The following DGKB variants were observed in gnomAD, a reference collection of about 807,000 sequenced individuals.
DGKB encodes diacylglycerol kinase beta.
Under a neutral mutation model 114.3 loss-of-function variants are expected in DGKB, and 67 were observed. The ratio of observed to expected loss-of-function variants is 0.59; its 90% CI spans 0.48 to 0.72. The LOEUF is 0.72. Among genes scored for constraint, DGKB ranks in the 30% least tolerant of loss-of-function variants. The probability of loss-of-function intolerance (pLI) is 0.00; values close to 1 mark genes in which losing one functional copy is unlikely to be tolerated. For missense variants in DGKB, 907 were observed against 975.2 expected, an observed-to-expected ratio of 0.93 and a Z score of 0.93; for synonymous variants, 398 against 323.1, an observed-to-expected ratio of 1.23 and a Z score of -2.49.
At chr7:14,641,410 T>C (rs1308001062) in intron 13 of DGKB, among the ~76,000 whole-genome samples, 1 of 152,142 alleles carries the variant, frequency 6.6e-6, no homozygotes, top group African/African-American at 2.4e-5. Flanking sequence ...TATCTTTAAC[T>C]TGATTTGTAA....
intron 12 of DGKB, 99 bp downstream of exon 12, chr7:14,682,454 G>A: frequency 1.3e-6 from 1 of 782,752 alleles, no homozygotes; most frequent in Non-Finnish European, 2.2e-6. Flanking sequence ...CTTACACTCA[G>A]TTTCAGGAAG....
intron 20 of DGKB, among the ~76,000 whole-genome samples, chr7:14,524,411 AC>A (rs751792178): frequency 6.6e-6 from 1 of 152,180 alleles, no homozygotes; most frequent in Non-Finnish European, 1.5e-5. Context: ...CTATCTTCAA[AC>A]CCTGCTTACA....
intron 21 of DGKB, among the ~76,000 whole-genome samples, chr7:14,425,771 G>A (rs940918829): frequency 6.6e-6 from 1 of 152,100 alleles, no homozygotes; most frequent in Non-Finnish European, 1.5e-5. Context: ...CTTATAATTA[G>A]ACTTGCATTA....
intron 21 of DGKB, among the ~76,000 whole-genome samples, chr7:14,383,160 T>A (rs1819761129): frequency 6.6e-6 from 1 of 152,182 alleles, no homozygotes; most frequent in African/African-American, 2.4e-5. Flanking sequence ...CTCCTGTTTA[T>A]AATGGATTGT....
intron 21 of DGKB, among the ~76,000 whole-genome samples, chr7:14,347,560 A>T: frequency 6.6e-6 from 1 of 152,066 alleles, no homozygotes; most frequent in South Asian, 2.1e-4. Flanking sequence ...ATGCAGAATC[A>T]AAAAAAGTCA....
chr7:14,169,006 T>A (rs773952679), intron 25 of DGKB, among the ~76,000 whole-genome samples: 14 of 152,182 alleles, frequency 9.2e-5, no homozygotes, highest in Non-Finnish European at 2.1e-4. Flanking sequence ...GCAATCTGAC[T>A]AAAAGGGGAA....
chr7:14,326,956 C>T lies in DGKB; in HGVS notation c.2122+11559G>A, dbSNP rs74974752. On this transcript the variant is annotated intron_variant, in intron 23 of 25. Transcript: ENST00000402815. ...TCTATTACAACACATATACACAAGA[C>T]ATATCTGAGTACTCACTAGTAAATA... is the stretch of plus-strand genomic sequence containing the variant. 9.8e-3 allele frequency among the ~76,000 whole-genome samples: 1,494 copies of T among 152,176 alleles called. 26 individuals are homozygous for T. The highest frequency in any genetic ancestry group is 0.033 in the African/African-American group (1,369 of 41,526).
chr7:14,297,733 G>A (rs897134191), intron 23 of DGKB, among the ~76,000 whole-genome samples: 7 of 152,022 alleles, frequency 4.6e-5, no homozygotes, highest in Non-Finnish European at 1.5e-5. Flanking sequence ...AGAAATAAAG[G>A]GTATTCAGAT....
chr7:14,901,605 A>ACACCCCCCCCCCCCCCCCCCCCCCCCCC (rs1783076768), intron 1 of DGKB, among the ~76,000 whole-genome samples: 1 of 123,094 alleles, frequency 8.1e-6, no homozygotes, highest in Non-Finnish European at 1.7e-5. Context: ...AGGGATTTCC[A>ACACCCCCCCCCCCCCCCCCCCCCCCCCC]CCCCCCCCCA....
At chr7:14,572,666 C>T (rs2128706320) in intron 20 of DGKB, among the ~76,000 whole-genome samples, 2 of 152,132 alleles carry the variant, frequency 1.3e-5, no homozygotes, top group African/African-American at 4.8e-5. Context: ...TCAATATGTC[C>T]ACCAATTGGT....
chr7:14,836,627 A>C (rs1010712951), intron 2 of DGKB, among the ~76,000 whole-genome samples: 2 of 152,208 alleles, frequency 1.3e-5, no homozygotes, highest in African/African-American at 2.4e-5. Flanking sequence ...TTTCTATCCT[A>C]TAACAACAGT....
intron 18 of DGKB, among the ~76,000 whole-genome samples, chr7:14,581,871 A>G (rs1358679532): frequency 6.6e-6 from 1 of 152,098 alleles, no homozygotes; most frequent in Non-Finnish European, 1.5e-5. Flanking sequence ...AACTTTTGTA[A>G]TTCTTGAATT....
intron 25 of DGKB, among the ~76,000 whole-genome samples, chr7:14,172,841 C>T (rs995850282): frequency 6.6e-6 from 1 of 152,084 alleles, no homozygotes; most frequent in African/African-American, 2.4e-5. Flanking sequence ...TCCTACCACT[C>T]TATTCCCTCT....
At chr7:14,550,135 T>C (rs960287926) in intron 20 of DGKB, among the ~76,000 whole-genome samples, 1 of 152,152 alleles carries the variant, frequency 6.6e-6, no homozygotes, top group African/African-American at 2.4e-5. Flanking sequence ...TAAAAACAAA[T>C]TATTCATTAT....
chr7:14,970,789 A>G (rs1417190985), intron 1 of DGKB, among the ~76,000 whole-genome samples: 1 of 152,116 alleles, frequency 6.6e-6, no homozygotes, highest in Non-Finnish European at 1.5e-5. Context: ...ACTGCGTAGT[A>G]TTCTTTGAAT....
intron 22 of DGKB, among the ~76,000 whole-genome samples, chr7:14,340,999 A>T (rs547112918): frequency 3.3e-4 from 49 of 149,274 alleles, no homozygotes; most frequent in Non-Finnish European, 5.5e-4. Context: ...TTTTTTTTTA[A>T]AAAAAAGAAT....
chr7:14,784,510 G>A (rs1839589903), intron 2 of DGKB, among the ~76,000 whole-genome samples: 1 of 151,414 alleles, frequency 6.6e-6, no homozygotes, highest in Admixed American at 6.6e-5. Flanking sequence ...CCAGTAGCTG[G>A]GTATAGGTGC....
intron 23 of DGKB, among the ~76,000 whole-genome samples, chr7:14,213,224 A>G (rs12673383): frequency 6.6e-6 from 1 of 152,166 alleles, no homozygotes; most frequent in South Asian, 2.1e-4. Context: ...CCAAAATACC[A>G]CAGTATATAT....
chr7:14,524,756 CAA>C (rs11347141), intron 20 of DGKB, among the ~76,000 whole-genome samples: 4,496 of 111,888 alleles, frequency 0.04, 182 homozygotes, highest in African/African-American at 0.13. Context: ...GACTCTGTCT[CAA>C]AAAAAAAAAA....
Sources: allele counts gnomAD v4.1 joint callset (sites outside exome capture counted in the v4.1 genomes callset), GRCh38; gene constraint gnomAD v4.1.1; transcripts MANE v1.5; gene names NCBI Gene and HGNC (gene_info 2026-07-23, HGNC 2026-07-21).